Variants in WDR35 observed in about 807,000 individuals in gnomAD.
The protein encoded by WDR35 is WD repeat domain 35, also known as WD repeat-containing protein 35.
A neutral mutation model predicts 158.3 loss-of-function variants in WDR35; 118 were observed. That is an observed-to-expected ratio of 0.75 (90% CI 0.64 to 0.87). WDR35 has a LOEUF of 0.87. Ranked by LOEUF, WDR35 falls within the 40% of genes least tolerant of loss-of-function variation. The pLI is 0.00. For missense variants in WDR35, 1,263 were observed against 1,405.8 expected, an observed-to-expected ratio of 0.90 and a Z score of 1.62; for synonymous variants, 448 against 476.1, an observed-to-expected ratio of 0.94 and a Z score of 0.77.
chr2:19,954,336 A>T (rs940041830), intron 11 of WDR35, among the ~76,000 whole-genome samples: 2 of 152,246 alleles, frequency 1.3e-5, no homozygotes, highest in Non-Finnish European at 2.9e-5. Context: ...GACTTCATTA[A>T]AATTAAAAAC....
rs945838534 is a variant in WDR35, at chr2:19,934,730, A to T, written c.2547+741T>A. ...TTCTTTCCTACTCAAGAAAACCCAT[A>T]GGATTGAAAATAAGGGTGAGTGAAA... On this transcript the variant is annotated intron_variant, in intron 21 of 26. Coordinates refer to ENST00000281405, the MANE Select transcript of WDR35 (RefSeq NM_020779.4). This position sits in a 1 kb window ranked among gnomAD's most constrained non-coding sequence, Gnocchi z 4.6. Among the ~76,000 whole-genome samples, 3 of 152,172 alleles carry T rather than the reference A, an allele frequency of 2.0e-5. No homozygotes were observed. The highest frequency in any genetic ancestry group is 6.5e-5 in the Admixed American group (1 of 15,274).
chr2:19,984,756 G>A (rs528463049), intron 2 of WDR35, among the ~76,000 whole-genome samples: 16 of 152,314 alleles, frequency 1.1e-4, no homozygotes, highest in African/African-American at 2.4e-4. Flanking sequence ...TTAGAAAAGC[G>A]TGACTGCCAA....
At chr2:19,942,148 C>T (rs1921731) in intron 16 of WDR35, among the ~76,000 whole-genome samples, 38,551 of 152,040 alleles carry the variant, frequency 0.25, 4,955 homozygotes, top group Non-Finnish European at 0.25. Flanking sequence ...ATGATCACAC[C>T]TTACATAATT....
In WDR35 at chr2:19,979,772, TACACACACAC is replaced by T. The variant is rs67421990; in HGVS notation, c.308-903_308-894del. Among the ~76,000 whole-genome samples the T allele has an allele frequency of 9.2e-4, 135 of 146,294 alleles. 2 individuals are homozygous for T. In the South Asian group the frequency reaches 0.024, roughly 26 times the overall value. On this transcript the variant is annotated intron_variant, in intron 4 of 26. Coordinates refer to ENST00000281405, the MANE Select transcript of WDR35 (RefSeq NM_020779.4). ...CACTGAACTTTCACATTCTATCCCC[TACACACACAC>T]ACACACACACACACACACACACACT... is the stretch of plus-strand genomic sequence containing the variant.
chr2:19,918,136 C>T (rs961814494), intron 25 of WDR35, among the ~76,000 whole-genome samples: 2 of 152,140 alleles, frequency 1.3e-5, no homozygotes, highest in African/African-American at 4.8e-5. Context: ...CATATCCAAC[C>T]AAACTAAGCT....
intron 17 of WDR35, among the ~76,000 whole-genome samples, chr2:19,938,669 T>C (rs1455296781): frequency 2.0e-5 from 3 of 152,192 alleles, no homozygotes; most frequent in Non-Finnish European, 4.4e-5. Flanking sequence ...CTCACAGTTA[T>C]GCATCCCTGT....
intron 12 of WDR35, among the ~76,000 whole-genome samples, chr2:19,952,219 A>T (rs1671261110): frequency 6.6e-6 from 1 of 152,092 alleles, no homozygotes; most frequent in African/African-American, 2.4e-5. Flanking sequence ...CTTTATGTCC[A>T]TGTGTACACA....
At chr2:19,982,428 C>T in intron 3 of WDR35, 35 bp downstream of exon 3, 1 of 1,602,218 alleles carries the variant, frequency 6.2e-7, no homozygotes, top group Non-Finnish European at 8.5e-7. Flanking sequence ...CTAAATACCA[C>T]TCAAACATGA....
At chr2:19,917,051 G>C (rs1326904251) in intron 25 of WDR35, among the ~76,000 whole-genome samples, 1 of 152,196 alleles carries the variant, frequency 6.6e-6, no homozygotes, top group Non-Finnish European at 1.5e-5. Context: ...AAAGGAACAG[G>C]CAGCAACCTT....
chr2:19,923,435 G>A (rs571430292), intron 25 of WDR35, among the ~76,000 whole-genome samples: 53 of 152,282 alleles, frequency 3.5e-4, no homozygotes, highest in African/African-American at 1.1e-3. Flanking sequence ...GCTGTGGTTC[G>A]TTCCACCTTG....
In WDR35 at chr2:19,937,728, G is replaced by T. The variant is rs1374046467; in HGVS notation, c.2267+15C>A. 1 of 1,613,896 alleles carries T rather than the reference G, an allele frequency of 6.2e-7. No individual in the cohort carries two copies. The highest frequency in any genetic ancestry group is 8.5e-7 in the Non-Finnish European group (1 of 1,179,946). ...TGATAGAGTACTCAGGGATGCCTGCGCCTTCATAACTTACCTTCTGTCCAT... is the reference window on the plus strand; with the variant it reads ...TGATAGAGTACTCAGGGATGCCTGCTCCTTCATAACTTACCTTCTGTCCAT... On this transcript the variant is annotated intron_variant, in intron 19 of 26. Coordinates refer to ENST00000281405, the MANE Select transcript of WDR35 (RefSeq NM_020779.4).
chr2:19,988,636 G>A (rs1002161757), intron 2 of WDR35, among the ~76,000 whole-genome samples: 2 of 152,144 alleles, frequency 1.3e-5, no homozygotes, highest in East Asian at 1.9e-4. Flanking sequence ...TTCAATCTAG[G>A]GGGGCTAAGA....
Position 19,989,270 on chromosome 2 carries a change from T to C in WDR35, c.37A>G (p.Asn13Asp). 1.9e-6 allele frequency: 3 copies of C among 1,614,164 alleles called. No homozygotes were observed. Among genetic ancestry groups the C allele is most frequent in the Non-Finnish European group, 2.5e-6 (3 of 1,180,022 alleles). ...GATACACACTGCAGCTTCACGTTAT[T>C]GGGAATGGAAATCTGAAAAAGCAAC... ...FYLSKKISIP[N>D]NVKLQCVSWN... Residue 13 changes from asparagine (N) to aspartate (D), a missense_variant, in exon 2 of 27, where the codon AAT (asparagine) becomes GAT (aspartate). Coordinates refer to ENST00000281405, the MANE Select transcript of WDR35 (RefSeq NM_020779.4).
chr2:19,978,758 T>C lies in WDR35; in HGVS notation c.429A>G (p.Ser143=), dbSNP rs1254317480. The part of the protein sequence containing the change: ...VYEDGAVIVG[S]VDGNRIWGKD... ...GTCCAATCAATACATTACCATCCAC[T>C]GAACCAACTATCACAGCCCCATCTT... Residue 143 remains serine (S), a synonymous_variant, in exon 5 of 27, where the codon TCA becomes TCG. Transcript: ENST00000281405. 1 of 1,613,832 alleles carries C rather than the reference T, an allele frequency of 6.2e-7. No homozygotes were observed. Among genetic ancestry groups the C allele is most frequent in the South Asian group, 1.1e-5 (1 of 91,084 alleles).
At chr2:19,919,058 A>T (rs781670878) in intron 25 of WDR35, among the ~76,000 whole-genome samples, 2 of 152,224 alleles carry the variant, frequency 1.3e-5, no homozygotes, top group Non-Finnish European at 2.9e-5. Flanking sequence ...CTCAGACCAC[A>T]GTGCAATCAA....
intron 11 of WDR35, among the ~76,000 whole-genome samples, chr2:19,958,492 A>C (rs140202099): frequency 1.3e-5 from 2 of 152,366 alleles, no homozygotes; most frequent in African/African-American, 4.8e-5. Context: ...ATCCCACAGG[A>C]AATGTCATAA....
In WDR35 at chr2:19,974,560, C is replaced by T; in HGVS notation, c.644G>A (p.Gly215Asp). The change falls in exon 7 of 27, where the codon GGC becomes GAC. Residue 215 changes from glycine to aspartate, a missense_variant. Gly to Asp is a moderately conservative substitution (Grantham distance 94, BLOSUM62 -1). Coordinates refer to ENST00000281405, the MANE Select transcript of WDR35 (RefSeq NM_020779.4). ...ISIAGIHWYH[G>D]TEGYVEPDCP... Reference sequence around the variant, plus strand: ...ATCAGGCTCCACGTAGCCTTCTGTGCCATGGTACCAATGAATTCCAGCAAT... The same window carrying T: ...ATCAGGCTCCACGTAGCCTTCTGTGTCATGGTACCAATGAATTCCAGCAAT... 4 of 1,613,472 alleles carry T rather than the reference C, an allele frequency of 2.5e-6. No homozygotes were observed. The highest frequency in any genetic ancestry group is 3.4e-6 in the Non-Finnish European group (4 of 1,179,698).
intron 21 of WDR35, 133 bp from the exon 22 acceptor site, chr2:19,933,644 G>C: frequency 2.7e-6 from 2 of 742,190 alleles, no homozygotes; most frequent in East Asian, 2.7e-5. Context: ...GTAAACAGAC[G>C]CAAGGGCAGA....
At chr2:19,984,310 T>C (rs866454014) in intron 2 of WDR35, among the ~76,000 whole-genome samples, 6 of 152,100 alleles carry the variant, frequency 3.9e-5, no homozygotes, top group Admixed American at 1.3e-4. Context: ...ACCTGAAAGT[T>C]CTCAGATGTC....
Sources: gnomAD v4.1 joint callset for allele counts (sites outside exome capture counted in the v4.1 genomes callset) on GRCh38, gnomAD v4.1.1 for gene constraint, Gnocchi (gnomAD v3.1) non-coding constraint, MANE v1.5 for transcripts, NCBI Gene and HGNC (gene_info 2026-07-23, HGNC 2026-07-21) for gene names.